The following RNF180 variants were observed in gnomAD, a reference collection of about 807,000 sequenced individuals.
The protein encoded by RNF180 is E3 ubiquitin-protein ligase RNF180.
RNF180 carries 38 observed loss-of-function variants against 59.2 expected under a neutral mutation model. The ratio of observed to expected loss-of-function variants is 0.64; its 90% CI spans 0.50 to 0.84. The LOEUF is 0.84. Ranked by LOEUF, RNF180 falls within the 40% of genes least tolerant of loss-of-function variation. RNF180 has a pLI of 0.00. For synonymous variants in RNF180, 262 were observed against 240.3 expected, an observed-to-expected ratio of 1.09 and a Z score of -0.84; for missense variants, 705 against 700.9, an observed-to-expected ratio of 1.01 and a Z score of -0.07.
chr5:64,326,485 T>C (rs565276700), intron 6 of RNF180, among the ~76,000 whole-genome samples: 1 of 152,320 alleles, frequency 6.6e-6, no homozygotes, highest in South Asian at 2.1e-4. Flanking sequence ...TTGTTTATTT[T>C]TGTCTATTTT....
At chr5:64,322,990 A>G (rs1180414682) in intron 5 of RNF180, among the ~76,000 whole-genome samples, 1 of 152,204 alleles carries the variant, frequency 6.6e-6, no homozygotes, top group Non-Finnish European at 1.5e-5. Flanking sequence ...ATAAAGAACA[A>G]AATAAAAACA....
At chr5:64,250,467 C>T (rs1477922209) in intron 5 of RNF180, among the ~76,000 whole-genome samples, 1 of 151,740 alleles carries the variant, frequency 6.6e-6, no homozygotes, top group Non-Finnish European at 1.5e-5. Flanking sequence ...AAAAGATCAA[C>T]AATACCAAAT....
chr5:64,241,783 C>G (rs766532350), intron 5 of RNF180, among the ~76,000 whole-genome samples: 2 of 152,080 alleles, frequency 1.3e-5, no homozygotes, highest in African/African-American at 4.8e-5. Context: ...TTTTTCATTA[C>G]CCACATTACT....
At position 64,200,825 on chromosome 5, in the gene RNF180, A is replaced by C; in HGVS notation, c.18A>C (p.Glu6Asp). MKRSK[E>D]LITKNHSQEE... ...TTCCGCAGATGAAAAGAAGCAAAGA[A>C]TTGATAACTAAAAATCATAGTCAAG... Residue 6 changes from glutamate to aspartate, a missense_variant, in exon 2 of 8, where the codon GAA becomes GAC. Physicochemically the swap from Glu to Asp is conservative, Grantham distance 45 (BLOSUM62 2). Coordinates refer to ENST00000389100, the MANE Select transcript of RNF180 (RefSeq NM_001113561.2). 2 of 1,612,466 alleles carry C rather than the reference A, an allele frequency of 1.2e-6. No individual in the cohort carries two copies. Among genetic ancestry groups the C allele is most frequent in the Non-Finnish European group, 1.7e-6 (2 of 1,178,854 alleles).
intron 7 of RNF180, among the ~76,000 whole-genome samples, chr5:64,348,250 T>C (rs933108576): frequency 6.6e-6 from 1 of 152,118 alleles, no homozygotes; most frequent in Non-Finnish European, 1.5e-5. Context: ...CCACAGGTAC[T>C]GTGTGTTCTT....
intron 7 of RNF180, among the ~76,000 whole-genome samples, chr5:64,349,403 CTTCT>C (rs555456671): frequency 3.3e-4 from 42 of 128,844 alleles, no homozygotes; most frequent in South Asian, 1.8e-3. Flanking sequence ...ACAGGCTAGT[CTTCT>C]TTCTTTTTTT....
At chr5:64,360,794 C>T (rs146329236) in intron 7 of RNF180, among the ~76,000 whole-genome samples, 1 of 151,756 alleles carries the variant, frequency 6.6e-6, no homozygotes, top group Non-Finnish European at 1.5e-5. Context: ...GTTTGTTACT[C>T]ACAGCGGTAG....
At chr5:64,348,582 TA>T (rs1470135049) in intron 7 of RNF180, among the ~76,000 whole-genome samples, 2 of 152,080 alleles carry the variant, frequency 1.3e-5, no homozygotes, top group African/African-American at 4.8e-5. Context: ...TTTGAAAAGA[TA>T]AGACATAGTT....
rs2112628109 is a variant in RNF180 at position 64,372,726 on chromosome 5, A to G, written c.*2912A>G. The G allele has an allele frequency of 6.6e-6, 1 of 152,054 alleles. No homozygotes were observed. The highest frequency in any genetic ancestry group is 2.1e-4 in the South Asian group (1 of 4,826). The allele number at this position is 152,054 out of a possible 1,614,324, so 9.4% of individuals were successfully genotyped here. Reference sequence around the variant, plus strand: ...TTGAAGCCAGAAAACACTGTCATTTAGGAAAGTGTTCCTAAAGGTTTGAAT... The same window carrying G: ...TTGAAGCCAGAAAACACTGTCATTTGGGAAAGTGTTCCTAAAGGTTTGAAT... On this transcript the variant is annotated 3_prime_UTR_variant, in exon 8 of 8. Transcript: ENST00000389100.
intron 5 of RNF180, among the ~76,000 whole-genome samples, chr5:64,299,959 A>G (rs1743077986): frequency 6.6e-6 from 1 of 151,642 alleles, no homozygotes; most frequent in South Asian, 2.1e-4. Flanking sequence ...CCTTTTGTCC[A>G]GTGTATCGGT....
intron 5 of RNF180, among the ~76,000 whole-genome samples, chr5:64,277,605 C>T (rs747967585): frequency 2.6e-5 from 4 of 151,972 alleles, no homozygotes; most frequent in Non-Finnish European, 5.9e-5. Context: ...AGGGGCTTGG[C>T]AAGTTGATGT....
At chr5:64,327,173 G>A (rs144812485) in intron 6 of RNF180, among the ~76,000 whole-genome samples, 1,679 of 151,434 alleles carry the variant, frequency 0.011, 8 homozygotes, top group Non-Finnish European at 0.017. Flanking sequence ...ATTTTATTTG[G>A]GTCTTTTTTT....
intron 1 of RNF180, among the ~76,000 whole-genome samples, chr5:64,188,611 T>C (rs922233147): frequency 2.0e-5 from 3 of 152,192 alleles, no homozygotes; most frequent in African/African-American, 2.4e-5. Context: ...AAGAAAGATA[T>C]TGATAATTGC....
intron 1 of RNF180, among the ~76,000 whole-genome samples, chr5:64,166,948 A>G (rs1749673105): frequency 6.6e-6 from 1 of 152,218 alleles, no homozygotes; most frequent in African/African-American, 2.4e-5. Flanking sequence ...CTTTCTTAAA[A>G]AATAGAGTCA....
chr5:64,165,885 G>A lies in RNF180; in HGVS notation c.-69G>A, dbSNP rs926175348. 2.0e-5 allele frequency: 3 copies of A among 152,228 alleles called. No individual in the cohort carries two copies. The highest frequency in any genetic ancestry group is 2.0e-4 in the South Asian group (1 of 4,898). The allele number at this position is 152,228 out of a possible 1,614,324, so 9.4% of individuals were successfully genotyped here. A position where few individuals can be genotyped will look rare whatever the true frequency, so the allele number is the denominator to read the frequency against. ...GCCGGAGCCGCAGCGAGTCCTCAGA[G>A]CCTGGCTGCTGGCGGCCGGGAGCGC... is the stretch of plus-strand genomic sequence containing the variant. On this transcript the variant is annotated 5_prime_UTR_variant, in exon 1 of 8. Transcript: ENST00000389100.
chr5:64,293,211 G>T (rs1345915903), intron 5 of RNF180, among the ~76,000 whole-genome samples: 3 of 152,176 alleles, frequency 2.0e-5, no homozygotes, highest in Non-Finnish European at 4.4e-5. Context: ...CTTGGCTTGG[G>T]GTAGGTGTGC....
rs1746586781 is a variant in RNF180, at chr5:64,369,606, ATCT to A, written c.1580-5_1580-3del. 6.7e-7 allele frequency: 1 copy of A among 1,491,976 alleles called. No individual in the cohort carries two copies. The highest frequency in any genetic ancestry group is 8.9e-7 in the Non-Finnish European group (1 of 1,122,888). 92.4% of individuals were successfully genotyped at this position (1,491,976 alleles called of 1,614,324 possible). A position where few individuals can be genotyped will look rare whatever the true frequency, so the allele number is the denominator to read the frequency against. On this transcript the variant is annotated splice_polypyrimidine_tract_variant and splice_region_variant and intron_variant, in intron 7 of 7. Transcript: ENST00000389100. ...TTAATGGGCTTTAATATGTTCATAC[ATCT>A]TCTAGGTTTCCGCAGACATGCAGCT...
At chr5:64,234,575 G>GTT (rs1561207558) in intron 5 of RNF180, among the ~76,000 whole-genome samples, 1 of 77,690 alleles carries the variant, frequency 1.3e-5, no homozygotes. Flanking sequence ...GCAGTTACCC[G>GTT]TTCTTTTTTT....
intron 5 of RNF180, among the ~76,000 whole-genome samples, chr5:64,237,561 G>T (rs969846934): frequency 1.3e-5 from 2 of 152,102 alleles, no homozygotes; most frequent in Non-Finnish European, 2.9e-5. Context: ...AGACTTTGGG[G>T]GATGGCTGGG....
Sources: gnomAD v4.1 joint callset for allele counts (sites outside exome capture counted in the v4.1 genomes callset) on GRCh38, gnomAD v4.1.1 for gene constraint, MANE v1.5 for transcripts, NCBI Gene and HGNC (gene_info 2026-07-23, HGNC 2026-07-21) for gene names.